LRRTM3: variants seen among roughly 807,000 people sequenced by gnomAD.
LRRTM3 encodes leucine-rich repeat transmembrane neuronal protein 3.
LRRTM3 carries 24 observed loss-of-function variants against 44.7 expected under a neutral mutation model. That is an observed-to-expected ratio of 0.54 (90% CI 0.39 to 0.76). LRRTM3 has a LOEUF of 0.76. Among genes scored for constraint, LRRTM3 ranks in the 30% least tolerant of loss-of-function variants. The pLI is 0.00. For missense variants in LRRTM3, 587 were observed against 702.2 expected (o/e 0.84, Z 1.85); for synonymous variants, 277 against 278.7 (o/e 0.99, Z 0.06).
Position 67,100,878 on chromosome 10 carries a change from T to C in LRRTM3, c.*3082T>C, listed in dbSNP as rs899606818. On this transcript the variant is annotated 3_prime_UTR_variant, in exon 3 of 3. Transcript: ENST00000361320. ...AATTATTCTCAAAATTTACAGGCTG[T>C]TAGTCTTTCCACTGTACTAAAAGAT... Among the ~76,000 whole-genome samples the C allele has an allele frequency of 2.6e-5, 4 of 151,710 alleles. No individual in the cohort carries two copies. Among genetic ancestry groups the C allele is most frequent in the Non-Finnish European group, 4.4e-5 (3 of 67,784 alleles).
At chr10:66,941,737 G>A (rs1016040603) in intron 2 of LRRTM3, among the ~76,000 whole-genome samples, 3 of 152,192 alleles carry the variant, frequency 2.0e-5, no homozygotes, top group African/African-American at 7.2e-5. Flanking sequence ...TTCAAGCCGC[G>A]TGAGCTGAGT....
chr10:66,945,748 C>T (rs1848239070), intron 2 of LRRTM3, among the ~76,000 whole-genome samples: 1 of 152,116 alleles, frequency 6.6e-6, no homozygotes, highest in Non-Finnish European at 1.5e-5. Context: ...ATAAATGTGA[C>T]TCTCTTTTAC....
At chr10:66,996,206 TTA>T (rs1236655806) in intron 2 of LRRTM3, among the ~76,000 whole-genome samples, 2 of 152,216 alleles carry the variant, frequency 1.3e-5, no homozygotes, top group Admixed American at 1.3e-4. Flanking sequence ...GAGACTGATA[TTA>T]TATAATTAGA....
chr10:66,999,155 A>AT (rs1851537200), intron 2 of LRRTM3, among the ~76,000 whole-genome samples: 1 of 152,112 alleles, frequency 6.6e-6, no homozygotes, highest in Admixed American at 6.6e-5. Flanking sequence ...TTTATTTATC[A>AT]TTTTCAATTG....
intron 2 of LRRTM3, among the ~76,000 whole-genome samples, chr10:67,097,344 C>T (rs1293101400): frequency 6.6e-6 from 1 of 151,834 alleles, no homozygotes; most frequent in Non-Finnish European, 1.5e-5. Context: ...ACCATGTAGG[C>T]TACTACTTAT....
intron 2 of LRRTM3, among the ~76,000 whole-genome samples, chr10:66,995,100 C>G (rs192309888): frequency 6.6e-6 from 1 of 152,252 alleles, no homozygotes; most frequent in African/African-American, 2.4e-5. Context: ...ACCCATGTTT[C>G]CAATTCCTCT....
intron 2 of LRRTM3, among the ~76,000 whole-genome samples, chr10:66,974,376 A>G (rs1368213353): frequency 2.6e-5 from 4 of 152,202 alleles, no homozygotes; most frequent in African/African-American, 7.2e-5. Flanking sequence ...GTATTCCTAT[A>G]CAGCACACTT....
chr10:67,004,202 A>C (rs1213963111), intron 2 of LRRTM3, among the ~76,000 whole-genome samples: 1 of 152,168 alleles, frequency 6.6e-6, no homozygotes, highest in Non-Finnish European at 1.5e-5. Context: ...ATTGAGAAGA[A>C]GGCCTGAATT....
At chr10:67,006,950 C>A (rs754575857) in intron 2 of LRRTM3, among the ~76,000 whole-genome samples, 1 of 152,106 alleles carries the variant, frequency 6.6e-6, no homozygotes, top group African/African-American at 2.4e-5. Flanking sequence ...TGTGCCACCA[C>A]GTCCAGCTAA....
At chr10:67,078,012 TA>T (rs1856821658) in intron 2 of LRRTM3, among the ~76,000 whole-genome samples, 1 of 152,212 alleles carries the variant, frequency 6.6e-6, no homozygotes, top group African/African-American at 2.4e-5. Context: ...TTACTTTGGA[TA>T]ATTCTGAGCT....
intron 2 of LRRTM3, among the ~76,000 whole-genome samples, chr10:67,035,081 C>A (rs1341228198): frequency 6.6e-6 from 1 of 152,174 alleles, no homozygotes; most frequent in Non-Finnish European, 1.5e-5. Flanking sequence ...CTCCGCATAG[C>A]CCAATCTAAT....
At chr10:67,075,929 T>C (rs1856724238) in intron 2 of LRRTM3, among the ~76,000 whole-genome samples, 1 of 152,240 alleles carries the variant, frequency 6.6e-6, no homozygotes, top group Admixed American at 6.5e-5. Context: ...GCACAGATGG[T>C]ATTTTACATC....
chr10:66,981,020 C>T (rs1167039332), intron 2 of LRRTM3, among the ~76,000 whole-genome samples: 1 of 152,106 alleles, frequency 6.6e-6, no homozygotes, highest in African/African-American at 2.4e-5. Context: ...GATTCTCTTG[C>T]CTCAGCCTCC....
intron 2 of LRRTM3, among the ~76,000 whole-genome samples, chr10:67,071,831 C>G (rs192103693): frequency 3.7e-4 from 56 of 152,184 alleles, no homozygotes; most frequent in African/African-American, 1.3e-3. Context: ...AGTATTTTTT[C>G]AGTTCACTAA....
chr10:67,096,349 G>A (rs1589732897), intron 2 of LRRTM3, among the ~76,000 whole-genome samples: 1 of 151,580 alleles, frequency 6.6e-6, no homozygotes, highest in Non-Finnish European at 1.5e-5. Context: ...GGAGAGAAGG[G>A]GAAAGAATGT....
At chr10:67,042,765 T>A (rs1268388508) in intron 2 of LRRTM3, among the ~76,000 whole-genome samples, 1 of 152,118 alleles carries the variant, frequency 6.6e-6, no homozygotes, top group African/African-American at 2.4e-5. Flanking sequence ...AAATGTTTGC[T>A]GGATTCAGAA....
At position 66,927,241 on chromosome 10, in the gene LRRTM3, C is replaced by T. The variant is rs1223429501; in HGVS notation, c.325C>T (p.Arg109Cys). The T allele has an allele frequency of 6.2e-7, 1 of 1,614,072 alleles. No homozygotes were observed. The highest frequency in any genetic ancestry group is 1.7e-5 in the Admixed American group (1 of 60,028). The change falls in exon 2 of 3, where the codon CGC becomes TGC. Residue 109 changes from arginine to cysteine, a missense_variant. Physicochemically the swap from Arg to Cys is radical, Grantham distance 180. Around this residue, in one of 3 missense-constraint regions of LRRTM3, gnomAD observed 222 missense variants for 323.3 expected, o/e 0.69. Coordinates refer to ENST00000361320, the MANE Select transcript of LRRTM3 (RefSeq NM_178011.5). This position sits in a 1 kb window ranked among gnomAD's most constrained non-coding sequence, Gnocchi z 4.7. Reference protein sequence around the residue: ...NIDENAFNGIRRLKELILSSN... With the variant: ...NIDENAFNGICRLKELILSSN... ...TGACGAAAATGCTTTTAATGGAATA[C>T]GCAGACTCAAAGAGCTGATTCTTAG...
chr10:66,962,566 C>T (rs1849173772), intron 2 of LRRTM3, among the ~76,000 whole-genome samples: 1 of 151,852 alleles, frequency 6.6e-6, no homozygotes, highest in Non-Finnish European at 1.5e-5. Context: ...CGTGCCACCA[C>T]ACCCAGATAA....
rs142510944 is a variant in LRRTM3, at chr10:66,980,481, A to G, written c.1536+52029A>G. On this transcript the variant is annotated intron_variant, in intron 2 of 2. Coordinates refer to ENST00000361320, the MANE Select transcript of LRRTM3 (RefSeq NM_178011.5). ...TCCCAAGCAAAAATCAGAATTGAAC[A>G]GGAACCAAAACTATTGAGACCTTCC... Among the ~76,000 whole-genome samples, 408 of 129,878 alleles carry G rather than the reference A, an allele frequency of 3.1e-3. 3 individuals are homozygous for G. Among genetic ancestry groups the G allele is most frequent in the Non-Finnish European group, 4.8e-3 (281 of 58,686 alleles). 85.2% of individuals were successfully genotyped at this position (129,878 alleles called of 152,430 possible).
Sources: allele counts gnomAD v4.1 joint callset (sites outside exome capture counted in the v4.1 genomes callset), GRCh38; gene constraint gnomAD v4.1.1; regional missense constraint gnomAD v4.1.1; non-coding constraint Gnocchi (gnomAD v3.1); transcripts MANE v1.5; gene names NCBI Gene and HGNC (gene_info 2026-07-23, HGNC 2026-07-21).